GFM1: variants seen among roughly 807,000 people sequenced by gnomAD.
GFM1 encodes the protein G elongation factor mitochondrial 1.
A neutral mutation model predicts 96.2 loss-of-function variants in GFM1; 62 were observed. The ratio of observed to expected loss-of-function variants is 0.64; its 90% CI spans 0.53 to 0.80. The LOEUF (loss-of-function observed/expected upper bound fraction) is 0.80. GFM1 is among the 30% of genes least tolerant of loss of function. GFM1 has a pLI of 0.00. For synonymous variants in GFM1, 282 were observed against 312.9 expected (o/e 0.90, Z 1.04); for missense variants, 852 against 916.6 (o/e 0.93, Z 0.91).
chr3:158,690,866 G>A (rs1445604358), intron 16 of GFM1, among the ~76,000 whole-genome samples: 2 of 152,224 alleles, frequency 1.3e-5, no homozygotes, highest in Non-Finnish European at 2.9e-5. Flanking sequence ...ACAGAGCGGA[G>A]TGGGGATGAG....
intron 4 of GFM1, among the ~76,000 whole-genome samples, chr3:158,647,549 CA>C (rs1177004730): frequency 7.9e-5 from 12 of 152,290 alleles, no homozygotes; most frequent in African/African-American, 2.9e-4. Context: ...CTGTAGAGCT[CA>C]TACTTACGTT....
chr3:158,670,375 TAAG>T (rs1181483154), intron 13 of GFM1, among the ~76,000 whole-genome samples: 1 of 152,240 alleles, frequency 6.6e-6, no homozygotes, highest in African/African-American at 2.4e-5. Context: ...AAGCAGACGT[TAAG>T]AAGATGATTG....
At chr3:158,689,366 C>T (rs1478503881) in intron 15 of GFM1, among the ~76,000 whole-genome samples, 1 of 151,982 alleles carries the variant, frequency 6.6e-6, no homozygotes, top group East Asian at 1.9e-4. Context: ...TGAGGTAGAG[C>T]AAAAACTAGA....
At chr3:158,665,498 GTTGAAATCAATTTA>G (rs1723586694) in intron 12 of GFM1, 24 bp downstream of exon 12, 2 of 1,587,724 alleles carry the variant, frequency 1.3e-6, no homozygotes, top group Non-Finnish European at 1.7e-6. Context: ...AGGAAGTTAA[GTTGAAATCAATTTA>G]TTACTGTCTG....
At position 158,661,012 on chromosome 3, in the gene GFM1, A is replaced by ATT. The variant is rs756775244; in HGVS notation, c.1323+40_1323+41dup. ...AATTTCAAAGCTACTTATCACTAGA[A>ATT]TTTTAAAAGTCTGTGTTTTTATGTA... On this transcript the variant is annotated intron_variant, in intron 10 of 17. Transcript: ENST00000486715. 4 of 1,527,418 alleles carry ATT rather than the reference A, an allele frequency of 2.6e-6. No homozygotes were observed. The South Asian group carries it at 4.5e-5, about 17-fold the overall frequency. 94.6% of individuals were successfully genotyped at this position (1,527,418 alleles called of 1,614,324 possible).
chr3:158,669,089 ATGTAG>A lies in GFM1; in HGVS notation c.1601+2704_1601+2708del, dbSNP rs558421221. 213 of 1,613,634 alleles carry A rather than the reference ATGTAG, an allele frequency of 1.3e-4. 4 individuals are homozygous for A. The South Asian group carries it at 2.3e-3, about 17-fold the overall frequency. On this transcript the variant is annotated intron_variant, in intron 13 of 17. Transcript: ENST00000486715. ...TATAACCACAGGCAACCCAGGCTAA[ATGTAG>A]AACGAGCGTCATTTCTGGAGATACA...
chr3:158,645,320 G>T (rs898337445), intron 1 of GFM1, among the ~76,000 whole-genome samples: 9 of 152,108 alleles, frequency 5.9e-5, no homozygotes, highest in African/African-American at 2.2e-4. Flanking sequence ...ATTTTTTGGA[G>T]CTGTCTTTGT....
At position 158,646,908 on chromosome 3, in the gene GFM1, G is replaced by C. The variant is rs1417927895; in HGVS notation, c.533G>C (p.Arg178Pro). The C allele has an allele frequency of 6.2e-7, 1 of 1,613,976 alleles. No homozygotes were observed. Among genetic ancestry groups the C allele is most frequent in the African/African-American group, 1.3e-5 (1 of 74,918 alleles). ...PFLTFINKLD[R>P]MGSNPARALQ... is the part of the protein sequence containing the mutation. Reference sequence around the variant, plus strand: ...CTAACTTTTATTAACAAATTGGACCGAATGGGCTCCAACCCAGCCAGGGCC... The same window carrying C: ...CTAACTTTTATTAACAAATTGGACCCAATGGGCTCCAACCCAGCCAGGGCC... Residue 178 changes from arginine (R) to proline (P), a missense_variant, in exon 4 of 18, where the codon CGA becomes CCA. Arg to Pro is a moderately radical substitution (Grantham distance 103). Coordinates refer to ENST00000486715, the MANE Select transcript of GFM1 (RefSeq NM_024996.7).
intron 13 of GFM1, among the ~76,000 whole-genome samples, chr3:158,671,504 T>G (rs1724301836): frequency 6.6e-6 from 1 of 152,248 alleles, no homozygotes; most frequent in Admixed American, 6.5e-5. Context: ...TATACATTAG[T>G]GAAACTGCAA....
intron 13 of GFM1, among the ~76,000 whole-genome samples, chr3:158,681,339 A>G (rs559625690): frequency 6.6e-6 from 1 of 152,340 alleles, no homozygotes; most frequent in South Asian, 2.1e-4. Flanking sequence ...CTGTGTTTAC[A>G]TATCTTTAGT....
chr3:158,666,223 C>A, intron 12 of GFM1, 81 bp from the exon 13 acceptor site: 1 of 921,914 alleles, frequency 1.1e-6, no homozygotes, highest in Non-Finnish European at 1.7e-6. Context: ...GTGAATGCTA[C>A]TAAGATATAT....
chr3:158,655,485 GAA>G (rs150158574), intron 8 of GFM1, among the ~76,000 whole-genome samples: 5 of 136,526 alleles, frequency 3.7e-5, no homozygotes, highest in Non-Finnish European at 4.7e-5. Flanking sequence ...CTTCATCTCG[GAA>G]AAAAAAAAAA....
intron 13 of GFM1, among the ~76,000 whole-genome samples, chr3:158,671,247 T>G (rs1357263025): frequency 6.6e-6 from 1 of 152,222 alleles, no homozygotes; most frequent in East Asian, 1.9e-4. Flanking sequence ...AGCATACAAA[T>G]TGGGCACAAT....
chr3:158,664,702 C>T (rs891075740), intron 11 of GFM1, among the ~76,000 whole-genome samples: 1 of 152,180 alleles, frequency 6.6e-6, no homozygotes, highest in Non-Finnish European at 1.5e-5. Flanking sequence ...CTCCCCATCT[C>T]CAGGTCTGTA....
At chr3:158,659,147 T>C (rs1438907795) in intron 9 of GFM1, 88 bp downstream of exon 9, 1 of 1,396,562 alleles carries the variant, frequency 7.2e-7, no homozygotes, top group East Asian at 2.3e-5. Flanking sequence ...ACTAGAAAAT[T>C]AATTCTGGTT....
rs148556122 is a variant in GFM1 at position 158,694,168 on chromosome 3, T to C, written c.*2701T>C. 1.6e-3 allele frequency among the ~76,000 whole-genome samples: 251 copies of C among 152,218 alleles called. No homozygotes were observed. The highest frequency in any genetic ancestry group is 5.9e-3 in the African/African-American group (245 of 41,514). ...AGAACTGTTCATAATGGCAAAGATA[T>C]GGAATCAACCTAAATGCCTATCACT... On this transcript the variant is annotated 3_prime_UTR_variant, in exon 18 of 18. Transcript: ENST00000486715.
rs1366293635 is a variant in GFM1 at position 158,694,902 on chromosome 3, T to C, written c.*3435T>C. Among the ~76,000 whole-genome samples the C allele has an allele frequency of 2.0e-5, 3 of 152,234 alleles. No homozygotes were observed. The highest frequency in any genetic ancestry group is 4.4e-5 in the Non-Finnish European group (3 of 68,042). On this transcript the variant is annotated 3_prime_UTR_variant, in exon 18 of 18. Coordinates refer to ENST00000486715, the MANE Select transcript of GFM1 (RefSeq NM_024996.7). ...GTTCTAAAGGTATTAGGAAAATGAA[T>C]GTCAAGCTGTATGTAATTGTAATTA...
chr3:158,690,320 A>C lies in GFM1; in HGVS notation c.2067A>C (p.Ala689=). Residue 689 remains alanine (A), a synonymous_variant, in exon 16 of 18, where the codon GCA becomes GCC. Transcript: ENST00000486715. ...DGVEDYFTLY[A]DVPLNDMFGY... is the part of the protein sequence containing the mutation. Reference sequence around the variant, plus strand: ...TTGAGGACTATTTTACACTGTATGCAGATGTAAGTAGTCTTGGTCATTGGC... The same window carrying C: ...TTGAGGACTATTTTACACTGTATGCCGATGTAAGTAGTCTTGGTCATTGGC... 6.2e-7 allele frequency: 1 copy of C among 1,613,322 alleles called. No homozygotes were observed. The highest frequency in any genetic ancestry group is 2.2e-5 in the East Asian group (1 of 44,860).
chr3:158,681,642 A>T (rs1212550279), intron 13 of GFM1, among the ~76,000 whole-genome samples: 5 of 152,206 alleles, frequency 3.3e-5, no homozygotes, highest in African/African-American at 9.6e-5. Flanking sequence ...GGTTACAGAG[A>T]TGTAAGGAAA....
Sources: allele counts gnomAD v4.1 joint callset (sites outside exome capture counted in the v4.1 genomes callset), GRCh38; gene constraint gnomAD v4.1.1; transcripts MANE v1.5; gene names NCBI Gene and HGNC (gene_info 2026-07-23, HGNC 2026-07-21).